BNC2: variants seen among roughly 807,000 people sequenced by gnomAD.
BNC2 encodes basonuclin zinc finger protein 2, also known as zinc finger protein basonuclin-2.
A neutral mutation model predicts 76.3 loss-of-function variants in BNC2; 20 were observed. The ratio of observed to expected loss-of-function variants is 0.26; its 90% confidence interval spans 0.18 to 0.38. The LOEUF (loss-of-function observed/expected upper bound fraction) is 0.38. Ranked by LOEUF, BNC2 falls within the 10% of genes least tolerant of loss-of-function variation. BNC2 has a pLI of 1.00. For missense variants in BNC2, 1,382 were observed against 1,399.8 expected (o/e 0.99, Z 0.20); for synonymous variants, 582 against 514.8 (o/e 1.13, Z -1.77).
intron 3 of BNC2, among the ~76,000 whole-genome samples, chr9:16,666,092 A>G (rs2134124574): frequency 6.6e-6 from 1 of 152,332 alleles, no homozygotes; most frequent in South Asian, 2.1e-4. Flanking sequence ...ACTACTTTCA[A>G]TGAGTTATTT....
At chr9:16,457,340 T>C (rs1313681615) in intron 5 of BNC2, among the ~76,000 whole-genome samples, 8 of 151,942 alleles carry the variant, frequency 5.3e-5, no homozygotes, top group African/African-American at 1.9e-4. Context: ...GTGTTGGGGG[T>C]CCAGGTCCCT....
At chr9:16,439,424 T>A (rs1821082792) in intron 5 of BNC2, among the ~76,000 whole-genome samples, 1 of 152,176 alleles carries the variant, frequency 6.6e-6, no homozygotes, top group African/African-American at 2.4e-5. Context: ...AATAATTGTG[T>A]GATCCTAGAC....
At chr9:16,815,380 GA>G (rs1260999130) in intron 1 of BNC2, among the ~76,000 whole-genome samples, 1 of 152,220 alleles carries the variant, frequency 6.6e-6, no homozygotes, top group African/African-American at 2.4e-5. Flanking sequence ...GCAGCAACAG[GA>G]AGGATGGACA....
chr9:16,740,846 G>A (rs1479828770), intron 1 of BNC2, among the ~76,000 whole-genome samples: 2 of 151,260 alleles, frequency 1.3e-5, no homozygotes, highest in African/African-American at 4.9e-5. Context: ...TGCCCCTGGA[G>A]GGAGAAAAAA....
At chr9:16,815,591 C>A (rs983380514) in intron 1 of BNC2, among the ~76,000 whole-genome samples, 2 of 152,140 alleles carry the variant, frequency 1.3e-5, no homozygotes. Context: ...GTGGCGGATC[C>A]ATTAACATAA....
intron 5 of BNC2, among the ~76,000 whole-genome samples, chr9:16,487,398 T>A (rs1170521619): frequency 6.6e-6 from 1 of 152,166 alleles, no homozygotes; most frequent in Non-Finnish European, 1.5e-5. Context: ...GATATATGTT[T>A]TATAAAAATG....
chr9:16,558,198 C>A (rs1818898184), intron 4 of BNC2, among the ~76,000 whole-genome samples: 1 of 152,054 alleles, frequency 6.6e-6, no homozygotes, highest in Admixed American at 6.5e-5. Context: ...CCTAGAAAAC[C>A]AGTCTGCTCC....
intron 3 of BNC2, among the ~76,000 whole-genome samples, chr9:16,713,080 A>C (rs7029546): frequency 0.88 from 134,605 of 152,210 alleles, 59,794 homozygotes; most frequent in Non-Finnish European, 0.93. Flanking sequence ...CCCATGGAGC[A>C]TTCCATGGTG....
chr9:16,833,691 T>C (rs1818636012), intron 1 of BNC2, among the ~76,000 whole-genome samples: 1 of 152,156 alleles, frequency 6.6e-6, no homozygotes, highest in African/African-American at 2.4e-5. Flanking sequence ...ACAAATGGTG[T>C]CCCTGACTCC....
chr9:16,610,798 A>C (rs1460713490), intron 3 of BNC2, among the ~76,000 whole-genome samples: 1 of 152,138 alleles, frequency 6.6e-6, no homozygotes, highest in Non-Finnish European at 1.5e-5. Context: ...GTGCATACCC[A>C]TTTTCAAGAT....
At chr9:16,655,433 T>C (rs1253883214) in intron 3 of BNC2, among the ~76,000 whole-genome samples, 1 of 152,136 alleles carries the variant, frequency 6.6e-6, no homozygotes, top group Non-Finnish European at 1.5e-5. Context: ...GTAACTATCT[T>C]GGAAATCTCC....
At chr9:16,534,667 A>T in intron 5 of BNC2, among the ~76,000 whole-genome samples, 1 of 151,982 alleles carries the variant, frequency 6.6e-6, no homozygotes, top group South Asian at 2.1e-4. Flanking sequence ...ACCCATCTAT[A>T]AGAAGTACAG....
At chr9:16,839,226 TATCTGAAAGTA>T (rs796600570) in intron 1 of BNC2, among the ~76,000 whole-genome samples, 8 of 152,340 alleles carry the variant, frequency 5.3e-5, no homozygotes, top group African/African-American at 1.9e-4. Flanking sequence ...ATAATATACA[TATCTGAAAGTA>T]ATCTTAGTTG....
intron 3 of BNC2, among the ~76,000 whole-genome samples, chr9:16,684,841 A>C (rs1197248892): frequency 6.6e-6 from 1 of 152,042 alleles, no homozygotes; most frequent in East Asian, 1.9e-4. Flanking sequence ...AATACACCAA[A>C]TCACTTCTAA....
intron 3 of BNC2, among the ~76,000 whole-genome samples, chr9:16,590,436 A>C (rs981827771): frequency 2.0e-5 from 3 of 151,730 alleles, no homozygotes; most frequent in African/African-American, 7.3e-5. Context: ...CATGTGATCC[A>C]CCTGCCTCGG....
At chr9:16,781,806 A>G (rs1826161653) in intron 1 of BNC2, among the ~76,000 whole-genome samples, 1 of 152,228 alleles carries the variant, frequency 6.6e-6, no homozygotes, top group Non-Finnish European at 1.5e-5. Context: ...TATTTTACAA[A>G]TACTTCCAAT....
intron 1 of BNC2, among the ~76,000 whole-genome samples, chr9:16,799,397 C>G (rs1396765566): frequency 6.6e-6 from 1 of 152,088 alleles, no homozygotes; most frequent in Admixed American, 6.6e-5. Flanking sequence ...TCACTGCAAC[C>G]TCCACCTCCC....
chr9:16,669,793 G>A (rs1337394), intron 3 of BNC2, among the ~76,000 whole-genome samples: 5,426 of 152,112 alleles, frequency 0.036, 325 homozygotes, highest in African/African-American at 0.12. Flanking sequence ...CAGATACCAC[G>A]GAAAAAGAAA....
chr9:16,536,344 G>GGT (rs1324396919), intron 5 of BNC2, among the ~76,000 whole-genome samples: 1 of 152,124 alleles, frequency 6.6e-6, no homozygotes. Flanking sequence ...TAATAAAAGT[G>GGT]GTCTAAAATA....
Sources: gnomAD v4.1 joint callset for allele counts (sites outside exome capture counted in the v4.1 genomes callset) on GRCh38, gnomAD v4.1.1 for gene constraint, MANE v1.5 for transcripts, NCBI Gene and HGNC (gene_info 2026-07-23, HGNC 2026-07-21) for gene names.